Variants in VWA7 observed in about 807,000 individuals in gnomAD.
VWA7 encodes von Willebrand factor A domain-containing protein 7.
Under a neutral mutation model 83.1 loss-of-function variants are expected in VWA7, and 66 were observed. The ratio of observed to expected loss-of-function variants is 0.79; its 90% CI spans 0.65 to 0.98. The LOEUF (loss-of-function observed/expected upper bound fraction) is 0.98, where lower values mean the gene tolerates loss of function less well. VWA7 is among the 50% of genes least tolerant of loss of function. The pLI is 0.00. For missense variants in VWA7, 1,080 were observed against 1,160.2 expected (o/e 0.93, Z 1.00); for synonymous variants, 424 against 488.5 (o/e 0.87, Z 1.74).
Position 31,765,601 on chromosome 6 carries a change from G to C in VWA7, c.2669C>G (p.Ser890Cys), listed in dbSNP as rs777609513. The stretch of plus-strand genomic sequence containing the variant: ...CCTTTAGAGCCCGTTGTGTCACCAG[G>C]AGGCCAGGCCTAGCAGAAGCAGCAC... ...GGVLLLLGLA[S>C]W Residue 890 changes from serine (S) to cysteine (C), a missense_variant, in exon 17 of 17, where the codon TCC (serine) becomes TGC (cysteine). Coordinates refer to ENST00000375688, the MANE Select transcript of VWA7 (RefSeq NM_025258.3). 4 of 1,610,848 alleles carry C rather than the reference G, an allele frequency of 2.5e-6. No individual in the cohort carries two copies. Among genetic ancestry groups the C allele is most frequent in the Non-Finnish European group, 3.4e-6 (4 of 1,179,434 alleles).
chr6:31,766,352 G>C lies in VWA7; in HGVS notation c.2217C>G (p.Gly739=). The C allele has an allele frequency of 6.2e-7, 1 of 1,606,080 alleles. No homozygotes were observed. The highest frequency in any genetic ancestry group is 2.2e-5 in the East Asian group (1 of 44,722). ...LSGPSGFLAP[G]SKVPLSLRIA... ...TGCGGAGACTGAGCGGGACTTTGCT[G>C]CCCGGGGCCAAGAAACCCGAGGGGC... The change falls in exon 15 of 17, where the codon GGC becomes GGG. Residue 739 remains glycine (G), a synonymous_variant. Transcript: ENST00000375688. This position sits in a 1 kb window ranked among gnomAD's most constrained non-coding sequence, Gnocchi z 4.9.
Position 31,773,518 on chromosome 6 carries a change from C to G in VWA7, c.722-81G>C. On this transcript the variant is annotated intron_variant, in intron 5 of 16. Coordinates refer to ENST00000375688, the MANE Select transcript of VWA7 (RefSeq NM_025258.3). The surrounding 1 kb of genome is among the most constrained non-coding windows in gnomAD (Gnocchi z 5.3). ...GAAAATGAGGCCCTTTCAGGCCTGG[C>G]CTGACCCTCTCACCCCTCAGCAAGG... 1 of 1,349,816 alleles carries G rather than the reference C, an allele frequency of 7.4e-7. No individual in the cohort carries two copies. The allele number at this position is 1,349,816 out of a possible 1,614,324, so 83.6% of individuals were successfully genotyped here.
intron 7 of VWA7, 66 bp from the exon 8 acceptor site, chr6:31,770,179 C>T: frequency 7.4e-7 from 1 of 1,347,820 alleles, no homozygotes; most frequent in Non-Finnish European, 1.0e-6. Flanking sequence ...CCCAGAGCCA[C>T]CTCCCCAGTT....
chr6:31,768,348 G>A (rs971043010), intron 10 of VWA7, among the ~76,000 whole-genome samples: 1 of 151,860 alleles, frequency 6.6e-6, no homozygotes, highest in African/African-American at 2.4e-5. Flanking sequence ...GGTGGCTCAT[G>A]TCTGTAATCC....
intron 4 of VWA7, 71 bp from the exon 5 acceptor site, chr6:31,774,697 C>T (rs1348756180): frequency 7.7e-7 from 1 of 1,303,142 alleles, no homozygotes; most frequent in South Asian, 1.4e-5. Context: ...CCACCCAAAC[C>T]TTTTCAGCTT....
rs746852554 is a variant in VWA7 at position 31,767,376 on chromosome 6, C to G, written c.1775G>C (p.Gly592Ala). The change falls in exon 12 of 17, where the codon GGG (glycine) becomes GCG (alanine). Residue 592 changes from glycine (G) to alanine (A), a missense_variant. Gly to Ala is a moderately conservative substitution (Grantham distance 60). Transcript: ENST00000375688. ...TCCCTCCTTACCTTGCACTCTCACC[C>G]CAGGGGTGTCCTCAGCTGTGACCTG... is the stretch of plus-strand genomic sequence containing the variant. ...EIQVTAEDTP[G>A]VRVQAQTSLD... 2 of 1,613,296 alleles carry G rather than the reference C, an allele frequency of 1.2e-6. No individual in the cohort carries two copies. Among genetic ancestry groups the G allele is most frequent in the Non-Finnish European group, 1.7e-6 (2 of 1,179,784 alleles).
Position 31,770,031 on chromosome 6 carries a change from G to T in VWA7, c.1170C>A (p.Asp390Glu), listed in dbSNP as rs779254501. 1.2e-6 allele frequency: 2 copies of T among 1,612,774 alleles called. No homozygotes were observed. Among genetic ancestry groups the T allele is most frequent in the African/African-American group, 1.3e-5 (1 of 74,844 alleles). ...LNEIHALGGG[D>E]EPEMCLSALQ... ...GGGCTGACAGGCACATCTCAGGCTC[G>T]TCTCCACCCCCCAAGGCATGGATCT... The change falls in exon 8 of 17, where the codon GAC becomes GAA. Residue 390 changes from aspartate to glutamate, a missense_variant. Asp to Glu is a conservative substitution (Grantham distance 45, BLOSUM62 2). Coordinates refer to ENST00000375688, the MANE Select transcript of VWA7 (RefSeq NM_025258.3).
Position 31,773,544 on chromosome 6 carries a change from G to T in VWA7, c.722-107C>A, listed in dbSNP as rs1014117031. ...CTGACCCTCTCACCCCTCAGCAAGG[G>T]TTCAGCAAGAAATGATGACGGGGTT... On this transcript the variant is annotated intron_variant, in intron 5 of 16. Coordinates refer to ENST00000375688, the MANE Select transcript of VWA7 (RefSeq NM_025258.3). This position sits in a 1 kb window ranked among gnomAD's most constrained non-coding sequence, Gnocchi z 5.3. 45 of 1,168,378 alleles carry T rather than the reference G, an allele frequency of 3.9e-5. No individual in the cohort carries two copies. Among genetic ancestry groups the T allele is most frequent in the Non-Finnish European group, 4.9e-5 (42 of 853,360 alleles). The allele number at this position is 1,168,378 out of a possible 1,614,324, so 72.4% of individuals were successfully genotyped here.
rs769376859 is a variant in VWA7, at chr6:31,773,147, G to A, written c.918-24C>T. 2 of 1,606,578 alleles carry A rather than the reference G, an allele frequency of 1.2e-6. No homozygotes were observed. The highest frequency in any genetic ancestry group is 1.7e-6 in the Non-Finnish European group (2 of 1,177,048). On this transcript the variant is annotated intron_variant, in intron 6 of 16. Transcript: ENST00000375688. This position sits in a 1 kb window ranked among gnomAD's most constrained non-coding sequence, Gnocchi z 5.3. ...GCCTGGGGAGCAAGCCAGAGACACAGTGAAGGGCCTGCACGTTTGTCCCCA... is the reference window on the plus strand; with the variant it reads ...GCCTGGGGAGCAAGCCAGAGACACAATGAAGGGCCTGCACGTTTGTCCCCA...
chr6:31,770,183 C>T (rs1048261494), intron 7 of VWA7, 70 bp from the exon 8 acceptor site: 25 of 1,287,122 alleles, frequency 1.9e-5, no homozygotes, highest in Non-Finnish European at 2.6e-5. Context: ...GAGCCACCTC[C>T]CCAGTTGAGG....
chr6:31,776,693 GA>G lies in VWA7; in HGVS notation c.86del (p.Phe29SerfsTer20). ...CCAGCAGGCTCCAGATGTTGGGGAA[GA>G]AGGCAGATGTGGGGGGCAGCAACAG... ...LQLLLPPTSA[F>X]FPNIWSLLAA... On this transcript the variant is annotated frameshift_variant, in exon 2 of 17. Coordinates refer to ENST00000375688, the MANE Select transcript of VWA7 (RefSeq NM_025258.3). LOFTEE classifies it high-confidence loss of function. The surrounding 1 kb of genome is among the most constrained non-coding windows in gnomAD (Gnocchi z 6.2). 6.6e-7 allele frequency: 1 copy of G among 1,520,554 alleles called. No individual in the cohort carries two copies. The highest frequency in any genetic ancestry group is 8.8e-7 in the Non-Finnish European group (1 of 1,131,250). The allele number at this position is 1,520,554 out of a possible 1,614,324, so 94.2% of individuals were successfully genotyped here.
rs778519765 is a variant in VWA7 at position 31,765,842 on chromosome 6, C to G, written c.2499+41G>C. Reference sequence around the variant, plus strand: ...CAAATTAAACCTACACCACCCTCCCCGGCCTTGCCCACCCTGTGATGGAAA... The same window carrying G: ...CAAATTAAACCTACACCACCCTCCCGGGCCTTGCCCACCCTGTGATGGAAA... On this transcript the variant is annotated intron_variant, in intron 16 of 16. Transcript: ENST00000375688. 1.9e-6 allele frequency: 3 copies of G among 1,608,350 alleles called. No individual in the cohort carries two copies. In the South Asian group the frequency reaches 3.3e-5, roughly 18 times the overall value.
At chr6:31,772,459 A>G (rs1270368978) in intron 7 of VWA7, among the ~76,000 whole-genome samples, 3 of 150,046 alleles carry the variant, frequency 2.0e-5, no homozygotes, top group African/African-American at 7.4e-5. Context: ...GGTTGCTGCT[A>G]ATTTTCTGTA....
At chr6:31,770,903 C>G (rs1812110328) in intron 7 of VWA7, among the ~76,000 whole-genome samples, 1 of 150,434 alleles carries the variant, frequency 6.6e-6, no homozygotes, top group Non-Finnish European at 1.5e-5. Context: ...CCCAGCTACT[C>G]AGGAGGCTGT....
At chr6:31,772,810 G>A in intron 7 of VWA7, 144 bp downstream of exon 7, 1 of 964,028 alleles carries the variant, frequency 1.0e-6, no homozygotes, top group South Asian at 1.7e-5. Flanking sequence ...TATTAGTCAG[G>A]CTGGTCTCAA....
chr6:31,765,734 T>A lies in VWA7; in HGVS notation c.2536A>T (p.Ile846Phe), dbSNP rs767548341. 5 of 1,593,986 alleles carry A rather than the reference T, an allele frequency of 3.1e-6. No homozygotes were observed. Among genetic ancestry groups the A allele is most frequent in the Non-Finnish European group, 3.4e-6 (4 of 1,170,476 alleles). ...AAGGCAGGGGTGGCCGTGGTGAGGA[T>A]CGGGTCAGATGAGCCGGTAGGGGTG... ...HTTPTGSSDP[I>F]LTTATPAFSP... is the part of the protein sequence containing the mutation. The change falls in exon 17 of 17, where the codon ATC (isoleucine) becomes TTC (phenylalanine). Residue 846 changes from isoleucine (I) to phenylalanine (F), a missense_variant. By Grantham distance (21) the Ile-to-Phe change is conservative. Transcript: ENST00000375688.
At chr6:31,774,168 AAAAAAAAGGAT>A (rs1812467679) in intron 5 of VWA7, among the ~76,000 whole-genome samples, 1 of 151,126 alleles carries the variant, frequency 6.6e-6, no homozygotes, top group South Asian at 2.1e-4. Flanking sequence ...AAAAAAAAAA[AAAAAAAAGGAT>A]AAAAAGGATG....
At position 31,766,072 on chromosome 6, in the gene VWA7, T is replaced by A. The variant is rs761408225; in HGVS notation, c.2325-15A>T. On this transcript the variant is annotated splice_polypyrimidine_tract_variant and intron_variant, in intron 15 of 16. Coordinates refer to ENST00000375688, the MANE Select transcript of VWA7 (RefSeq NM_025258.3). The surrounding 1 kb of genome is among the most constrained non-coding windows in gnomAD (Gnocchi z 4.9). ...CCAGGTGAGCCCTGGAGAGAGGATATAGGCGTCGCTAAAGCTCCAGGCTGC... is the reference window on the plus strand; with the variant it reads ...CCAGGTGAGCCCTGGAGAGAGGATAAAGGCGTCGCTAAAGCTCCAGGCTGC... 1 of 1,612,512 alleles carries A rather than the reference T, an allele frequency of 6.2e-7. No individual in the cohort carries two copies. The highest frequency in any genetic ancestry group is 1.1e-5 in the South Asian group (1 of 91,082).
Position 31,766,695 on chromosome 6 carries a change from G to C in VWA7, c.1952C>G (p.Pro651Arg), listed in dbSNP as rs764168564. 3 of 1,612,600 alleles carry C rather than the reference G, an allele frequency of 1.9e-6. No individual in the cohort carries two copies. Among genetic ancestry groups the C allele is most frequent in the East Asian group, 2.2e-5 (1 of 44,878 alleles). Reference sequence around the variant, plus strand: ...TCGAAGGATGACGTGGGAGAAATGCGGCTGAGGATCCCCAGGATTGGCTCT... The same window carrying C: ...TCGAAGGATGACGTGGGAGAAATGCCGCTGAGGATCCCCAGGATTGGCTCT... ...GSRANPGDPQ[P>R]HFSHVILRGV... is the part of the protein sequence containing the mutation. The change falls in exon 14 of 17, where the codon CCG becomes CGG. Residue 651 changes from proline (P) to arginine (R), a missense_variant. Physicochemically the swap from Pro to Arg is moderately radical, Grantham distance 103 (BLOSUM62 -2). Coordinates refer to ENST00000375688, the MANE Select transcript of VWA7 (RefSeq NM_025258.3). The surrounding 1 kb of genome is among the most constrained non-coding windows in gnomAD (Gnocchi z 4.9).
Sources: allele counts gnomAD v4.1 joint callset (sites outside exome capture counted in the v4.1 genomes callset), GRCh38; gene constraint gnomAD v4.1.1; non-coding constraint Gnocchi (gnomAD v3.1); transcripts MANE v1.5; gene names NCBI Gene and HGNC (gene_info 2026-07-23, HGNC 2026-07-21).